Variants in CACNA2D3 observed in about 807,000 individuals in gnomAD.
The protein encoded by CACNA2D3 is voltage-dependent calcium channel subunit alpha-2/delta-3.
A neutral mutation model predicts 160.6 loss-of-function variants in CACNA2D3; 60 were observed. The ratio of observed to expected loss-of-function variants is 0.37; its 90% CI spans 0.30 to 0.46. CACNA2D3 has a LOEUF of 0.46. Ranked by LOEUF, CACNA2D3 falls within the 20% of genes least tolerant of loss-of-function variation. The pLI, the probability that CACNA2D3 is intolerant of heterozygous loss-of-function variation, is 1.00. For missense variants in CACNA2D3, 1,205 were observed against 1,365.0 expected (o/e 0.88, Z 1.85); for synonymous variants, 558 against 492.9 (o/e 1.13, Z -1.75).
Position 54,357,924 on chromosome 3 carries a change from C to T in CACNA2D3, c.322-28791C>T, listed in dbSNP as rs529443326. ...TCCAGGGGTAGGGGAGAAGCAGAGACGAATAGAATAGAGCACAGGAAAGTT... is the reference window on the plus strand; with the variant it reads ...TCCAGGGGTAGGGGAGAAGCAGAGATGAATAGAATAGAGCACAGGAAAGTT... On this transcript the variant is annotated intron_variant, in intron 3 of 37. Transcript: ENST00000474759. Among the ~76,000 whole-genome samples the T allele has an allele frequency of 3.9e-5, 6 of 152,152 alleles. No individual in the cohort carries two copies. The South Asian group carries it at 6.2e-4, about 16-fold the overall frequency.
At chr3:54,442,368 T>C (rs1559482184) in intron 4 of CACNA2D3, among the ~76,000 whole-genome samples, 1 of 152,088 alleles carries the variant, frequency 6.6e-6, no homozygotes, top group Non-Finnish European at 1.5e-5. Flanking sequence ...CTCCCTTCCT[T>C]TGGCCTGGAG....
chr3:54,452,432 A>G (rs954256984), intron 4 of CACNA2D3, among the ~76,000 whole-genome samples: 1 of 152,240 alleles, frequency 6.6e-6, no homozygotes, highest in Non-Finnish European at 1.5e-5. Context: ...GGACACAGCC[A>G]AACCATATCA....
intron 9 of CACNA2D3, among the ~76,000 whole-genome samples, chr3:54,618,374 T>TATATAC: frequency 1.1e-4 from 6 of 54,572 alleles, no homozygotes; most frequent in South Asian, 6.9e-4. Flanking sequence ...TATATATATA[T>TATATAC]GCACACACAC....
intron 14 of CACNA2D3, among the ~76,000 whole-genome samples, chr3:54,828,404 T>TA (rs1407931294): frequency 6.6e-6 from 1 of 152,242 alleles, no homozygotes; most frequent in East Asian, 1.9e-4. Flanking sequence ...AGCTTTCAGA[T>TA]ATGTTAATCA....
intron 3 of CACNA2D3, among the ~76,000 whole-genome samples, chr3:54,338,425 CTG>C (rs1704438901): frequency 6.7e-6 from 1 of 150,356 alleles, no homozygotes; most frequent in Non-Finnish European, 1.5e-5. Flanking sequence ...CAGCTTTCAG[CTG>C]TGTTTTTCTT....
intron 35 of CACNA2D3, among the ~76,000 whole-genome samples, chr3:55,032,362 C>G (rs763431386): frequency 1.3e-5 from 2 of 152,134 alleles, no homozygotes; most frequent in Non-Finnish European, 2.9e-5. Context: ...TTCTCTGATC[C>G]ACTTGATCTA....
rs375335959 is a variant in CACNA2D3, at chr3:55,009,447, A to C, written c.2875+4A>C. 4.3e-6 allele frequency: 7 copies of C among 1,613,444 alleles called. No homozygotes were observed. Among genetic ancestry groups the C allele is most frequent in the African/African-American group, 1.3e-5 (1 of 74,938 alleles). ...CACTCCGATATGACAGCTAAAGGTGAGCAGCAACTGGTTTCTGTTTCCCAG... is the reference window on the plus strand; with the variant it reads ...CACTCCGATATGACAGCTAAAGGTGCGCAGCAACTGGTTTCTGTTTCCCAG... On this transcript the variant is annotated splice_donor_region_variant and intron_variant, in intron 34 of 37. Coordinates refer to ENST00000474759, the MANE Select transcript of CACNA2D3 (RefSeq NM_018398.3).
At position 54,531,144 on chromosome 3, in the gene CACNA2D3, G is replaced by A. The variant is rs28593502; in HGVS notation, c.544+27490G>A. On this transcript the variant is annotated intron_variant, in intron 5 of 37. Coordinates refer to ENST00000474759, the MANE Select transcript of CACNA2D3 (RefSeq NM_018398.3). Reference sequence around the variant, plus strand: ...TGTGCTGGTCGAGGATGGATTATTCGAAGCTGTGGGAACAGCTGACATGCT... The same window carrying A: ...TGTGCTGGTCGAGGATGGATTATTCAAAGCTGTGGGAACAGCTGACATGCT... 7.8e-3 allele frequency among the ~76,000 whole-genome samples: 1,181 copies of A among 152,334 alleles called. 11 individuals are homozygous for A. Among genetic ancestry groups the A allele is most frequent in the African/African-American group, 0.026 (1,066 of 41,576 alleles).
intron 12 of CACNA2D3, among the ~76,000 whole-genome samples, chr3:54,763,527 C>G (rs1228070466): frequency 6.6e-6 from 1 of 150,732 alleles, no homozygotes; most frequent in African/African-American, 2.4e-5. Context: ...AATAGACTCA[C>G]AAAAATGAAA....
chr3:54,759,527 G>A (rs1702042622), intron 12 of CACNA2D3, among the ~76,000 whole-genome samples: 1 of 150,574 alleles, frequency 6.6e-6, no homozygotes, highest in Non-Finnish European at 1.5e-5. Context: ...TAATGAGTTG[G>A]AATCAAATGT....
chr3:54,877,213 A>G (rs1203705550), intron 18 of CACNA2D3: 1 of 152,234 alleles, frequency 6.6e-6, no homozygotes, highest in Non-Finnish European at 1.5e-5. Context: ...ACATGGCTCA[A>G]AGTCAAAACA....
At chr3:54,337,035 A>G (rs992566103) in intron 3 of CACNA2D3, among the ~76,000 whole-genome samples, 1 of 152,156 alleles carries the variant, frequency 6.6e-6, no homozygotes, top group African/African-American at 2.4e-5. Context: ...AAGAGTATGA[A>G]TAGCTCAAGT....
At chr3:54,509,069 A>G (rs1372547821) in intron 5 of CACNA2D3, among the ~76,000 whole-genome samples, 2 of 152,238 alleles carry the variant, frequency 1.3e-5, no homozygotes, top group Non-Finnish European at 2.9e-5. Flanking sequence ...TGAGCTTGAT[A>G]AAACACAAAA....
chr3:54,602,212 G>A (rs1420427395), intron 9 of CACNA2D3, among the ~76,000 whole-genome samples: 2 of 152,050 alleles, frequency 1.3e-5, no homozygotes, highest in Non-Finnish European at 2.9e-5. Context: ...ATGGCCAATA[G>A]CAAGGCCAGG....
intron 2 of CACNA2D3, among the ~76,000 whole-genome samples, chr3:54,165,308 T>G (rs951057588): frequency 2.1e-4 from 32 of 151,910 alleles, no homozygotes; most frequent in Admixed American, 7.9e-4. Context: ...TATGGGTTGG[T>G]GGTGGAACTG....
chr3:54,123,274 C>G (rs562717122), intron 1 of CACNA2D3, among the ~76,000 whole-genome samples: 3 of 151,598 alleles, frequency 2.0e-5, no homozygotes, highest in African/African-American at 7.2e-5. Flanking sequence ...TTTTAGAGAG[C>G]CTGGGAGACT....
intron 24 of CACNA2D3, among the ~76,000 whole-genome samples, chr3:54,890,526 A>G (rs1700039834): frequency 1.3e-5 from 2 of 151,608 alleles, no homozygotes; most frequent in African/African-American, 2.4e-5. Flanking sequence ...AAAAAGAAAG[A>G]AAAAAAATAT....
chr3:54,443,702 C>T (rs1056870236), intron 4 of CACNA2D3, among the ~76,000 whole-genome samples: 8 of 152,130 alleles, frequency 5.3e-5, no homozygotes, highest in Admixed American at 2.0e-4. Flanking sequence ...CTCACTGGGT[C>T]GGCTACATTG....
intron 2 of CACNA2D3, among the ~76,000 whole-genome samples, chr3:54,313,077 T>C (rs1404160483): frequency 6.6e-6 from 1 of 152,004 alleles, no homozygotes; most frequent in Non-Finnish European, 1.5e-5. Flanking sequence ...TTGGGGTGGT[T>C]CATTATGTGC....
Sources: gnomAD v4.1 joint callset for allele counts (sites outside exome capture counted in the v4.1 genomes callset) on GRCh38, gnomAD v4.1.1 for gene constraint, MANE v1.5 for transcripts, NCBI Gene and HGNC (gene_info 2026-07-23, HGNC 2026-07-21) for gene names.